Variants in VPS13A observed in about 807,000 individuals in gnomAD.
VPS13A encodes the protein intermembrane lipid transfer protein VPS13A.
VPS13A carries 264 observed loss-of-function variants against 390.9 expected under a neutral mutation model. The ratio of observed to expected loss-of-function variants is 0.68; its 90% CI spans 0.61 to 0.75. VPS13A has a LOEUF of 0.75. Among genes scored for constraint, VPS13A ranks in the 30% least tolerant of loss-of-function variants. The pLI, the probability that VPS13A is intolerant of heterozygous loss-of-function variation, is 0.00. For synonymous variants in VPS13A, 1,231 were observed against 1,227.1 expected (o/e 1.00, Z -0.07); for missense variants, 3,409 against 3,733.9 (o/e 0.91, Z 2.27).
intron 5 of VPS13A, among the ~76,000 whole-genome samples, chr9:77,209,205 A>G (rs968114732): frequency 6.6e-6 from 1 of 152,214 alleles, no homozygotes; most frequent in Non-Finnish European, 1.5e-5. Flanking sequence ...ATGCCAGTAA[A>G]TTCTACATGG....
At chr9:77,214,486 C>T in intron 10 of VPS13A, 100 bp downstream of exon 10, 2 of 899,348 alleles carry the variant, frequency 2.2e-6, no homozygotes, top group Non-Finnish European at 3.5e-6. Flanking sequence ...GTTAAATTTC[C>T]TTCTATATAG....
intron 17 of VPS13A, among the ~76,000 whole-genome samples, chr9:77,229,686 GGTT>G (rs1270693836): frequency 1.3e-5 from 2 of 152,082 alleles, no homozygotes; most frequent in Non-Finnish European, 2.9e-5. Context: ...AGGATATTTA[GGTT>G]GTTCCTTCTT....
At chr9:77,359,441 GTTTGA>G (rs775638327) in intron 58 of VPS13A, 39 bp downstream of exon 58, 1 of 1,491,458 alleles carries the variant, frequency 6.7e-7, no homozygotes, top group Non-Finnish European at 9.3e-7. Flanking sequence ...TTTATTTAAT[GTTTGA>G]TTTAAATATA....
intron 45 of VPS13A, among the ~76,000 whole-genome samples, chr9:77,325,184 G>A (rs1225757156): frequency 6.6e-6 from 1 of 152,124 alleles, no homozygotes; most frequent in African/African-American, 2.4e-5. Context: ...CCTTGCATGC[G>A]CAGTTCACGC....
At chr9:77,385,794 C>A (rs1458845589) in intron 68 of VPS13A, among the ~76,000 whole-genome samples, 1 of 151,998 alleles carries the variant, frequency 6.6e-6, no homozygotes, top group Non-Finnish European at 1.5e-5. Flanking sequence ...TTAACTGATT[C>A]AGCACATGAT....
At chr9:77,332,646 CAA>C (rs1385729732) in intron 46 of VPS13A, among the ~76,000 whole-genome samples, 1 of 151,614 alleles carries the variant, frequency 6.6e-6, no homozygotes, top group African/African-American at 2.4e-5. Flanking sequence ...AAAATTATAA[CAA>C]AATATGAGCT....
chr9:77,390,590 T>A (rs934481702), intron 68 of VPS13A, among the ~76,000 whole-genome samples: 1 of 152,136 alleles, frequency 6.6e-6, no homozygotes, highest in Non-Finnish European at 1.5e-5. Flanking sequence ...TCAGGTTTTT[T>A]CTTTCATCTC....
At chr9:77,281,006 T>C (rs191481195) in intron 27 of VPS13A, among the ~76,000 whole-genome samples, 12 of 152,260 alleles carry the variant, frequency 7.9e-5, no homozygotes, top group Admixed American at 5.9e-4. Flanking sequence ...TGGAGGACAT[T>C]ATGCTAAGCA....
At chr9:77,251,734 G>A (rs1021482970) in intron 21 of VPS13A, among the ~76,000 whole-genome samples, 2 of 152,016 alleles carry the variant, frequency 1.3e-5, no homozygotes, top group African/African-American at 2.4e-5. Context: ...ATTTAGGCTC[G>A]TAACTCTGCA....
intron 67 of VPS13A, among the ~76,000 whole-genome samples, chr9:77,371,803 C>T (rs1430843319): frequency 8.9e-6 from 1 of 112,624 alleles, no homozygotes; most frequent in African/African-American, 3.3e-5. Context: ...GCTATCCCTC[C>T]CCCCTCCCCC....
chr9:77,285,831 A>T (rs563951818), intron 31 of VPS13A, among the ~76,000 whole-genome samples: 1 of 152,342 alleles, frequency 6.6e-6, no homozygotes, highest in South Asian at 2.1e-4. Flanking sequence ...TGATTGATAT[A>T]CCACTTAAGT....
intron 17 of VPS13A, among the ~76,000 whole-genome samples, chr9:77,232,054 G>A (rs1396763124): frequency 6.6e-6 from 1 of 152,054 alleles, no homozygotes. Context: ...AAATCAATTA[G>A]CCATAGATGT....
In VPS13A at chr9:77,212,997, T is replaced by C; in HGVS notation, c.584T>C (p.Leu195Ser). The C allele has an allele frequency of 6.2e-7, 1 of 1,614,032 alleles. No individual in the cohort carries two copies. The highest frequency in any genetic ancestry group is 8.5e-7 in the Non-Finnish European group (1 of 1,179,970). The change falls in exon 8 of 72, where the codon TTA (leucine) becomes TCA (serine). Residue 195 changes from leucine (L) to serine (S), a missense_variant. Physicochemically the swap from Leu to Ser is moderately radical, Grantham distance 145. Around this residue, in one of 5 missense-constraint regions of VPS13A, gnomAD observed 2,717 missense variants for 2,917.4 expected, o/e 0.93. Transcript: ENST00000360280. ...ACTGATCAATACTGGGTTCCATGTT[T>C]ACATGATGAAACTGAGAAACTGGTT... ...QTTDQYWVPC[L>S]HDETEKLVRK...
intron 23 of VPS13A, among the ~76,000 whole-genome samples, chr9:77,268,027 T>C (rs1362357986): frequency 6.6e-6 from 1 of 152,198 alleles, no homozygotes; most frequent in Non-Finnish European, 1.5e-5. Context: ...CCACCAAGCA[T>C]CCCAGGTTGA....
At chr9:77,351,561 A>G in intron 53 of VPS13A, 115 bp downstream of exon 53, 2 of 1,335,098 alleles carry the variant, frequency 1.5e-6, no homozygotes, top group South Asian at 2.4e-5. Flanking sequence ...GAGGTGGGCC[A>G]TGAGTTGGAG....
At chr9:77,249,973 T>C (rs921872550) in intron 20 of VPS13A, 124 bp from the exon 21 acceptor site, 7 of 1,059,420 alleles carry the variant, frequency 6.6e-6, no homozygotes, top group South Asian at 2.9e-5. Context: ...AATAGCCTTA[T>C]TATGTATGCT....
intron 23 of VPS13A, 45 bp downstream of exon 23, chr9:77,260,269 CCA>C: frequency 6.3e-7 from 1 of 1,586,832 alleles, no homozygotes. Context: ...TTAAGAAAGT[CCA>C]CAAATAGTAT....
At chr9:77,381,711 A>G (rs1833448112) in intron 67 of VPS13A, among the ~76,000 whole-genome samples, 1 of 152,166 alleles carries the variant, frequency 6.6e-6, no homozygotes, top group Non-Finnish European at 1.5e-5. Context: ...TAAAGAAACT[A>G]GACAACGTAA....
chr9:77,198,468 T>G (rs943470685), intron 1 of VPS13A, among the ~76,000 whole-genome samples: 1 of 152,194 alleles, frequency 6.6e-6, no homozygotes, highest in Non-Finnish European at 1.5e-5. Context: ...ACTTGTGGTA[T>G]TATGTCTGCA....
Sources: gnomAD v4.1 joint callset for allele counts (sites outside exome capture counted in the v4.1 genomes callset) on GRCh38, gnomAD v4.1.1 for gene constraint, gnomAD v4.1.1 regional missense constraint, MANE v1.5 for transcripts, NCBI Gene and HGNC (gene_info 2026-07-23, HGNC 2026-07-21) for gene names.